LARS2: variants seen among roughly 807,000 people sequenced by gnomAD.
The protein encoded by LARS2 is leucine--tRNA ligase, mitochondrial.
LARS2 carries 81 observed loss-of-function variants against 116.6 expected under a neutral mutation model. That is an observed-to-expected ratio of 0.69 (90% confidence interval 0.58 to 0.84). LARS2 has a LOEUF of 0.84. LARS2 is among the 40% of genes least tolerant of loss of function. The pLI is 0.00. For synonymous variants in LARS2, 396 were observed against 407.2 expected, an observed-to-expected ratio of 0.97 and a Z score of 0.33; for missense variants, 968 against 1,114.5, an observed-to-expected ratio of 0.87 and a Z score of 1.87.
At chr3:45,446,862 T>C (rs755438893) in intron 6 of LARS2, 29 bp from the exon 7 acceptor site, 1 of 1,385,632 alleles carries the variant, frequency 7.2e-7, no homozygotes, top group South Asian at 1.2e-5. Flanking sequence ...TATAATGGCC[T>C]GTACATTATT....
At chr3:45,541,715 CG>C (rs1575322987) in intron 20 of LARS2, 113 bp from the exon 21 acceptor site, 1 of 1,351,292 alleles carries the variant, frequency 7.4e-7, no homozygotes, top group South Asian at 1.4e-5. Flanking sequence ...GGCTTCCCAC[CG>C]GCTCCTCACA....
Position 45,446,971 on chromosome 3 carries a change from T to C in LARS2, c.597T>C (p.Tyr199=). ...AACTGTATGAGGCTGGGCTGGCCTATCAAAAGGAGGTAAGTTAAAATTAGC... is the reference window on the plus strand; with the variant it reads ...AACTGTATGAGGCTGGGCTGGCCTACCAAAAGGAGGTAAGTTAAAATTAGC... The part of the protein sequence containing the change: ...FIKLYEAGLA[Y]QKEALVNWDP... Residue 199 remains tyrosine, a synonymous_variant, in exon 7 of 22, where the codon TAT becomes TAC. Coordinates refer to ENST00000645846, the MANE Select transcript of LARS2 (RefSeq NM_015340.4). The C allele has an allele frequency of 1.9e-6, 3 of 1,588,452 alleles. No individual in the cohort carries two copies. Among genetic ancestry groups the C allele is most frequent in the Non-Finnish European group, 2.6e-6 (3 of 1,159,414 alleles).
intron 20 of LARS2, among the ~76,000 whole-genome samples, chr3:45,526,372 G>A (rs1700531016): frequency 6.6e-6 from 1 of 152,138 alleles, no homozygotes; most frequent in Non-Finnish European, 1.5e-5. Context: ...ATGCACAGGA[G>A]TTAGGGCTGT....
intron 11 of LARS2, among the ~76,000 whole-genome samples, chr3:45,488,283 A>C (rs186888098): frequency 6.6e-6 from 1 of 152,116 alleles, no homozygotes; most frequent in Non-Finnish European, 1.5e-5. Flanking sequence ...AAATACAAAA[A>C]TTAGCCAGGC....
intron 19 of LARS2, 67 bp downstream of exon 19, chr3:45,520,363 A>G: frequency 8.5e-7 from 1 of 1,180,078 alleles, no homozygotes. Flanking sequence ...GGGGCCCCAC[A>G]GGGTCCCAAG....
At chr3:45,455,324 C>G (rs1436945831) in intron 7 of LARS2, among the ~76,000 whole-genome samples, 1 of 150,500 alleles carries the variant, frequency 6.6e-6, no homozygotes, top group African/African-American at 2.4e-5. Context: ...TCCAAATCCT[C>G]TGAGGTTTGC....
chr3:45,523,533 T>C (rs1700485950), intron 19 of LARS2, among the ~76,000 whole-genome samples: 1 of 145,228 alleles, frequency 6.9e-6, no homozygotes, highest in Non-Finnish European at 1.5e-5. Context: ...TGCTGGAGCT[T>C]TTTTTTTTTT....
At chr3:45,390,767 C>T (rs564417911) in intron 1 of LARS2, among the ~76,000 whole-genome samples, 2 of 152,004 alleles carry the variant, frequency 1.3e-5, no homozygotes, top group African/African-American at 4.8e-5. Context: ...TTTCTCCTGC[C>T]TCAGCCTCTC....
At chr3:45,443,778 G>A (rs1056501029) in intron 6 of LARS2, among the ~76,000 whole-genome samples, 2 of 152,096 alleles carry the variant, frequency 1.3e-5, no homozygotes, top group African/African-American at 4.8e-5. Flanking sequence ...TAGCAGTTGA[G>A]GTTGCTTTTT....
intron 3 of LARS2, among the ~76,000 whole-genome samples, chr3:45,395,702 G>A (rs1044836518): frequency 2.0e-5 from 3 of 152,242 alleles, no homozygotes; most frequent in Non-Finnish European, 2.9e-5. Context: ...CTCCTGATTC[G>A]GTCAACACAT....
At chr3:45,484,640 T>TATATATATATATATATAC (rs1241694718) in intron 10 of LARS2, among the ~76,000 whole-genome samples, 2 of 83,056 alleles carry the variant, frequency 2.4e-5, no homozygotes, top group African/African-American at 4.1e-5. Context: ...AATATATATA[T>TATATATATATATATATAC]ATATATATTT....
intron 17 of LARS2, 58 bp from the exon 18 acceptor site, chr3:45,517,845 A>G: frequency 7.1e-7 from 1 of 1,405,780 alleles, no homozygotes; most frequent in Non-Finnish European, 9.8e-7. Flanking sequence ...AGTTATACCA[A>G]GTCAATCACC....
intron 20 of LARS2, among the ~76,000 whole-genome samples, chr3:45,524,673 G>A (rs1700507810): frequency 6.6e-6 from 1 of 152,170 alleles, no homozygotes; most frequent in South Asian, 2.1e-4. Context: ...AAAGTGACAT[G>A]TAATTGAGCT....
chr3:45,534,198 T>C (rs531294395), intron 20 of LARS2, among the ~76,000 whole-genome samples: 1 of 152,254 alleles, frequency 6.6e-6, no homozygotes, highest in Non-Finnish European at 1.5e-5. Context: ...TTTTCCTGAA[T>C]GAGCAGCTGG....
intron 15 of LARS2, among the ~76,000 whole-genome samples, chr3:45,511,987 G>C (rs562471453): frequency 1.3e-5 from 2 of 151,988 alleles, no homozygotes; most frequent in East Asian, 3.9e-4. Flanking sequence ...TGTTGCCCAG[G>C]CCAGTCTCAA....
intron 1 of LARS2, chr3:45,389,063 C>T (rs536957807): frequency 6.6e-6 from 1 of 152,314 alleles, no homozygotes; most frequent in African/African-American, 2.4e-5. Context: ...CGGAGGTCCT[C>T]AGAAAGATGA....
At chr3:45,456,840 T>C (rs145561424) in intron 7 of LARS2, among the ~76,000 whole-genome samples, 316 of 152,316 alleles carry the variant, frequency 2.1e-3, no homozygotes, top group Non-Finnish European at 3.7e-3. Context: ...ACTGCTTCTA[T>C]ATGTAAAATC....
At chr3:45,432,762 G>T (rs1372771820) in intron 6 of LARS2, among the ~76,000 whole-genome samples, 1 of 151,804 alleles carries the variant, frequency 6.6e-6, no homozygotes, top group Non-Finnish European at 1.5e-5. Context: ...AGCAGAAGAA[G>T]GAAATAAATA....
At chr3:45,413,041 T>C (rs959821853) in intron 4 of LARS2, among the ~76,000 whole-genome samples, 1 of 152,256 alleles carries the variant, frequency 6.6e-6, no homozygotes, top group African/African-American at 2.4e-5. Flanking sequence ...GAAGCACTGC[T>C]GGGCCTCTTT....
Sources: allele counts gnomAD v4.1 joint callset (sites outside exome capture counted in the v4.1 genomes callset), GRCh38; gene constraint gnomAD v4.1.1; transcripts MANE v1.5; gene names NCBI Gene and HGNC (gene_info 2026-07-23, HGNC 2026-07-21).